The following JAM3 variants were observed in gnomAD, a reference collection of about 807,000 sequenced individuals.
JAM3 encodes junctional adhesion molecule C.
JAM3 carries 31 observed loss-of-function variants against 39.4 expected under a neutral mutation model. That is an observed-to-expected ratio of 0.79 (90% CI 0.59 to 1.06). The LOEUF (loss-of-function observed/expected upper bound fraction) is 1.06. Among genes scored for constraint, JAM3 ranks in the 50% least tolerant of loss-of-function variants. The probability of loss-of-function intolerance (pLI) is 0.00; values close to 1 mark genes in which losing one functional copy is unlikely to be tolerated. For missense variants in JAM3, 455 were observed against 391.4 expected, an observed-to-expected ratio of 1.16 and a Z score of -1.37; for synonymous variants, 182 against 148.7, an observed-to-expected ratio of 1.22 and a Z score of -1.63.
At chr11:134,081,143 A>G (rs935103988) in intron 1 of JAM3, among the ~76,000 whole-genome samples, 7 of 152,204 alleles carry the variant, frequency 4.6e-5, no homozygotes, top group South Asian at 2.1e-4. Context: ...GTGCTGTTAA[A>G]GGCATTCAGT....
chr11:134,101,993 A>G (rs1317150041), intron 1 of JAM3, among the ~76,000 whole-genome samples: 3 of 152,180 alleles, frequency 2.0e-5, no homozygotes, highest in Non-Finnish European at 4.4e-5. Context: ...GTTTGAGGCT[A>G]CAGGGAGTTG....
At chr11:134,145,495 C>G (rs1943055489) in intron 5 of JAM3, 1 of 326,602 alleles carries the variant, frequency 3.1e-6, no homozygotes, top group Admixed American at 4.7e-5. Context: ...ACAGATTGGT[C>G]ATGCACTAGA....
intron 1 of JAM3, among the ~76,000 whole-genome samples, chr11:134,098,257 G>A (rs1942017111): frequency 6.6e-6 from 1 of 152,160 alleles, no homozygotes; most frequent in African/African-American, 2.4e-5. Context: ...GCTTTTTAGG[G>A]AAGGAGTGGA....
chr11:134,124,718 TAAA>T (rs879043468), intron 1 of JAM3, among the ~76,000 whole-genome samples: 3 of 148,506 alleles, frequency 2.0e-5, no homozygotes, highest in East Asian at 2.0e-4. Flanking sequence ...TGCTTGCAAT[TAAA>T]AAAAAAAGCC....
At chr11:134,145,233 A>C in intron 5 of JAM3, 1 of 575,964 alleles carries the variant, frequency 1.7e-6, no homozygotes, top group Non-Finnish European at 3.1e-6. Flanking sequence ...GAGGGATATT[A>C]AGCAAATGTT....
chr11:134,092,071 A>C (rs1321312817), intron 1 of JAM3, among the ~76,000 whole-genome samples: 1 of 152,102 alleles, frequency 6.6e-6, no homozygotes, highest in East Asian at 1.9e-4. Flanking sequence ...AGAATTCTTT[A>C]GGGGCTTTCT....
intron 2 of JAM3, among the ~76,000 whole-genome samples, chr11:134,140,395 C>A (rs1205341729): frequency 6.6e-6 from 1 of 152,068 alleles, no homozygotes; most frequent in African/African-American, 2.4e-5. Context: ...CAGGTGTGAG[C>A]CACCGCGCCT....
chr11:134,148,373 C>T, intron 6 of JAM3, 174 bp from the exon 7 acceptor site: 1 of 704,682 alleles, frequency 1.4e-6, no homozygotes, highest in Admixed American at 2.2e-5. Flanking sequence ...TTATGGTGTC[C>T]TATATGTTCT....
intron 1 of JAM3, among the ~76,000 whole-genome samples, chr11:134,134,925 G>C (rs1942835758): frequency 6.6e-6 from 1 of 151,924 alleles, no homozygotes; most frequent in African/African-American, 2.4e-5. Flanking sequence ...TATATGCTTT[G>C]TACATATTTT....
At chr11:134,117,045 G>A (rs962362691) in intron 1 of JAM3, among the ~76,000 whole-genome samples, 2 of 151,524 alleles carry the variant, frequency 1.3e-5, no homozygotes, top group Admixed American at 6.6e-5. Context: ...ATACAACCAG[G>A]CATGAAAAAG....
At chr11:134,130,534 A>G (rs1229054017) in intron 1 of JAM3, among the ~76,000 whole-genome samples, 1 of 152,208 alleles carries the variant, frequency 6.6e-6, no homozygotes, top group African/African-American at 2.4e-5. Flanking sequence ...CAGCAGAAAA[A>G]TTAAAAAATC....
chr11:134,110,597 A>G (rs942619760), intron 1 of JAM3, among the ~76,000 whole-genome samples: 1 of 152,194 alleles, frequency 6.6e-6, no homozygotes, highest in Non-Finnish European at 1.5e-5. Context: ...AATCCAAACT[A>G]GTGACAAAAT....
intron 1 of JAM3, among the ~76,000 whole-genome samples, chr11:134,128,307 G>C (rs956103269): frequency 2.6e-5 from 4 of 152,150 alleles, no homozygotes; most frequent in Non-Finnish European, 5.9e-5. Flanking sequence ...TGTATCATCA[G>C]AACTCACCTC....
intron 1 of JAM3, among the ~76,000 whole-genome samples, chr11:134,122,791 T>C (rs1001636239): frequency 9.2e-5 from 14 of 152,218 alleles, no homozygotes; most frequent in African/African-American, 3.4e-4. Flanking sequence ...ACATTCACAG[T>C]ACAAGTCCTA....
intron 6 of JAM3, 77 bp from the exon 7 acceptor site, chr11:134,148,470 A>T: frequency 6.2e-7 from 1 of 1,601,292 alleles, no homozygotes; most frequent in Non-Finnish European, 8.5e-7. Flanking sequence ...TGAAGGAAGG[A>T]GGCACAGCAG....
intron 1 of JAM3, among the ~76,000 whole-genome samples, chr11:134,084,594 A>G (rs1941717920): frequency 1.3e-5 from 2 of 152,168 alleles, no homozygotes; most frequent in Admixed American, 1.3e-4. Context: ...TTTTTCATCA[A>G]TAAGTGGGAG....
Position 134,151,801 on chromosome 11 carries a change from T to C in JAM3, c.*2620T>C, listed in dbSNP as rs1268549312. 6.6e-6 allele frequency: 1 copy of C among 152,198 alleles called. No individual in the cohort carries two copies. The highest frequency in any genetic ancestry group is 1.5e-5 in the Non-Finnish European group (1 of 68,040). The allele number at this position is 152,198 out of a possible 1,614,324, so 9.4% of individuals were successfully genotyped here. A position where few individuals can be genotyped will look rare whatever the true frequency, so the allele number is the denominator to read the frequency against. ...TTGCTCTTACGTTGGGTTTGTCTCTTCTTCCTAGCATTTCAGTGGTTAGGC... is the reference window on the plus strand; with the variant it reads ...TTGCTCTTACGTTGGGTTTGTCTCTCCTTCCTAGCATTTCAGTGGTTAGGC... On this transcript the variant is annotated 3_prime_UTR_variant, in exon 9 of 9. Transcript: ENST00000299106.
chr11:134,128,140 A>C (rs1039615232), intron 1 of JAM3, among the ~76,000 whole-genome samples: 1 of 152,196 alleles, frequency 6.6e-6, no homozygotes, highest in African/African-American at 2.4e-5. Context: ...CCTGAAACTG[A>C]GCTGATATAT....
At chr11:134,136,681 A>T (rs565171846) in intron 1 of JAM3, among the ~76,000 whole-genome samples, 41 of 152,322 alleles carry the variant, frequency 2.7e-4, no homozygotes, top group African/African-American at 9.9e-4. Context: ...CCTGGGATAT[A>T]CTGCCTTCTA....
Sources: allele counts gnomAD v4.1 joint callset (sites outside exome capture counted in the v4.1 genomes callset), GRCh38; gene constraint gnomAD v4.1.1; transcripts MANE v1.5; gene names NCBI Gene and HGNC (gene_info 2026-07-23, HGNC 2026-07-21).